The following AGL variants were observed in gnomAD, a reference collection of about 807,000 sequenced individuals.
AGL encodes amylo-alpha-1,6-glucosidase and 4-alpha-glucanotransferase.
In AGL, 128 loss-of-function variants were observed where a neutral mutation model predicts 199.3. The ratio of observed to expected loss-of-function variants is 0.64; its 90% CI spans 0.56 to 0.74. The LOEUF is 0.74. AGL is among the 30% of genes least tolerant of loss of function. The probability of loss-of-function intolerance (pLI) is 0.00; values close to 1 mark genes in which losing one functional copy is unlikely to be tolerated. For missense variants in AGL, 1,809 were observed against 1,820.8 expected (o/e 0.99, Z 0.12); for synonymous variants, 584 against 594.7 (o/e 0.98, Z 0.26).
intron 5 of AGL, among the ~76,000 whole-genome samples, chr1:99,867,266 A>G (rs990661444): frequency 1.3e-5 from 2 of 152,366 alleles, no homozygotes; most frequent in East Asian, 1.9e-4. Context: ...AAATTGTCCT[A>G]CGGATATTTA....
chr1:99,893,709 A>G (rs1028435979), intron 24 of AGL, among the ~76,000 whole-genome samples: 5 of 152,250 alleles, frequency 3.3e-5, no homozygotes, highest in African/African-American at 1.2e-4. Flanking sequence ...ACAAATAAAA[A>G]CTAAAAAATT....
Position 99,881,079 on chromosome 1 carries a change from A to G in AGL, c.1903A>G (p.Arg635Gly), listed in dbSNP as rs766797872. ...CTTTGTTGTTGTTGTCTTCTAGCATAGATCAGCGTATGATGCTCTTCCAAG... is the reference window on the plus strand; with the variant it reads ...CTTTGTTGTTGTTGTCTTCTAGCATGGATCAGCGTATGATGCTCTTCCAAG... ...THDNECPIVH[R>G]SAYDALPSTT... The change falls in exon 15 of 34, where the codon AGA becomes GGA. Residue 635 changes from arginine (R) to glycine (G), a missense_variant. Arg to Gly is a moderately radical substitution (Grantham distance 125, BLOSUM62 -2). Transcript: ENST00000361915. 5.6e-6 allele frequency: 9 copies of G among 1,613,292 alleles called. No homozygotes were observed.
intron 2 of AGL, among the ~76,000 whole-genome samples, chr1:99,854,453 G>C (rs2101061411): frequency 6.6e-6 from 1 of 152,276 alleles, no homozygotes; most frequent in Middle Eastern, 3.4e-3. Context: ...GTAATGGTGT[G>C]ATCATTTTGT....
At position 99,877,641 on chromosome 1, in the gene AGL, G is replaced by A. The variant is rs538916479; in HGVS notation, c.1424G>A (p.Gly475Asp). 1.2e-6 allele frequency: 2 copies of A among 1,613,782 alleles called. No individual in the cohort carries two copies. The part of the protein sequence containing the change: ...DDPLRNFAEP[G>D]SEVYLRRELI... ...TGAAAGCAATCTCTTTTCTGAACAG[G>A]TTCAGAAGTTTACCTAAGGAGAGAA... Residue 475 changes from glycine to aspartate, a missense_variant and splice_region_variant, in exon 12 of 34, where the codon GGT becomes GAT. By Grantham distance (94) the Gly-to-Asp change is moderately conservative. Transcript: ENST00000361915.
In AGL at chr1:99,900,804, C is replaced by A; in HGVS notation, c.3531C>A (p.Cys1177Ter). The change falls in exon 26 of 34, where the codon TGC becomes TGA. Residue 1177 changes from cysteine (C) to a stop codon, truncating the protein, a stop_gained. Coordinates refer to ENST00000361915, the MANE Select transcript of AGL (RefSeq NM_000642.3). LOFTEE classifies it high-confidence loss of function. ...MVPNGLDILK[C>*]PVSRMYPTDD... ...CAAATGGTCTAGACATTCTCAAGTG[C>A]CCAGTTTCCAGAATGTATCCTACAG... The A allele has an allele frequency of 6.2e-7, 1 of 1,613,878 alleles. No individual in the cohort carries two copies. The highest frequency in any genetic ancestry group is 2.2e-5 in the East Asian group (1 of 44,858).
At chr1:99,910,923 G>A in intron 28 of AGL, 76 bp downstream of exon 28, 1 of 1,470,772 alleles carries the variant, frequency 6.8e-7, no homozygotes, top group Non-Finnish European at 9.4e-7. Context: ...CTTTTATTCT[G>A]TTAACTATGA....
chr1:99,899,250 G>A (rs185830130), intron 25 of AGL, among the ~76,000 whole-genome samples: 1 of 152,216 alleles, frequency 6.6e-6, no homozygotes, highest in Non-Finnish European at 1.5e-5. Context: ...TTTCTGAGTG[G>A]TTTAGCCAAA....
intron 20 of AGL, among the ~76,000 whole-genome samples, chr1:99,887,622 A>G (rs1246117805): frequency 1.3e-5 from 2 of 152,202 alleles, no homozygotes; most frequent in Non-Finnish European, 2.9e-5. Flanking sequence ...CACATAAATA[A>G]ATGAAGGAAG....
At chr1:99,856,234 A>G (rs953015974) in intron 2 of AGL, among the ~76,000 whole-genome samples, 8 of 152,042 alleles carry the variant, frequency 5.3e-5, no homozygotes, top group Admixed American at 2.0e-4. Context: ...CAGAGTGGCT[A>G]TGTATCCCTT....
intron 25 of AGL, among the ~76,000 whole-genome samples, chr1:99,898,209 G>C (rs1258941962): frequency 6.6e-6 from 1 of 152,004 alleles, no homozygotes; most frequent in African/African-American, 2.4e-5. Flanking sequence ...ACCACACCCG[G>C]CTAATTTTTT....
In AGL at chr1:99,884,657, C is replaced by A. The variant is rs771908645; in HGVS notation, c.2635C>A (p.Leu879Ile). ...QFSPHFKSGS[L>I]AVDNADPILK... Reference sequence around the variant, plus strand: ...CAGTCCTCACTTTAAATCTGGCAGCCTAGCTGTTGACAATGCAGATCCTAT... The same window carrying A: ...CAGTCCTCACTTTAAATCTGGCAGCATAGCTGTTGACAATGCAGATCCTAT... The change falls in exon 20 of 34, where the codon CTA becomes ATA. Residue 879 changes from leucine to isoleucine, a missense_variant. Coordinates refer to ENST00000361915, the MANE Select transcript of AGL (RefSeq NM_000642.3). 6.2e-7 allele frequency: 1 copy of A among 1,613,988 alleles called. No homozygotes were observed. Among genetic ancestry groups the A allele is most frequent in the Non-Finnish European group, 8.5e-7 (1 of 1,179,924 alleles).
In AGL at chr1:99,912,518, G is replaced by C. The variant is rs1311320845; in HGVS notation, c.3949+1G>C. ...CATGAAGTCACAGTAAAAAGACATG[G>C]TAAGCTGGTTATTTTATTTACAAAG... is the stretch of plus-strand genomic sequence containing the variant. On this transcript the variant is annotated splice_donor_variant, in intron 29 of 33. Transcript: ENST00000361915. LOFTEE classifies it high-confidence loss of function. 1 of 1,593,826 alleles carries C rather than the reference G, an allele frequency of 6.3e-7. No individual in the cohort carries two copies. Among genetic ancestry groups the C allele is most frequent in the African/African-American group, 1.3e-5 (1 of 74,506 alleles).
At position 99,864,065 on chromosome 1, in the gene AGL, ATATAC is replaced by A. The variant is rs1178072854; in HGVS notation, c.461-319_461-315del. 2.6e-5 allele frequency among the ~76,000 whole-genome samples: 4 copies of A among 152,314 alleles called. No individual in the cohort carries two copies. The East Asian group carries it at 7.7e-4, about 29-fold the overall frequency. On this transcript the variant is annotated intron_variant, in intron 4 of 33. Transcript: ENST00000361915. ...TTAAAAGTAGTAGAAACACGTGTTG[ATATAC>A]TCGTAGAAGATAAATTTACTACATG...
chr1:99,879,615 C>CA (rs758176496), intron 12 of AGL, among the ~76,000 whole-genome samples: 13 of 151,712 alleles, frequency 8.6e-5, no homozygotes, highest in South Asian at 6.3e-4. Flanking sequence ...AATAAGCAAA[C>CA]AAAAAACAGG....
chr1:99,886,960 A>G (rs1045082393), intron 20 of AGL, among the ~76,000 whole-genome samples: 2 of 152,174 alleles, frequency 1.3e-5, no homozygotes, highest in African/African-American at 4.8e-5. Context: ...GCAGTTTTAT[A>G]AGATCCCCAG....
intron 2 of AGL, chr1:99,861,118 G>C (rs1246005299): frequency 3.0e-5 from 30 of 1,003,612 alleles, no homozygotes; most frequent in African/African-American, 5.2e-5. Flanking sequence ...CTCTGTTGCA[G>C]TTAGAAAAAT....
In AGL at chr1:99,891,809, T is replaced by G; in HGVS notation, c.3083+70T>G. 3 of 1,587,124 alleles carry G rather than the reference T, an allele frequency of 1.9e-6. No homozygotes were observed. In the South Asian group the frequency reaches 3.3e-5, roughly 18 times the overall value. ...ACTATATACAGAGTCACTTCATACA[T>G]GTTCTTAAAAAACCAAACCATAAAG... is the stretch of plus-strand genomic sequence containing the variant. On this transcript the variant is annotated intron_variant, in intron 23 of 33. Transcript: ENST00000361915.
In AGL at chr1:99,875,089, A is replaced by T; in HGVS notation, c.1083-65A>T. Reference sequence around the variant, plus strand: ...AAGGTTTCTGTGACCTTTGTTAGAAAGTTTTTAAATGTAGAATCTGTAAAG... The same window carrying T: ...AAGGTTTCTGTGACCTTTGTTAGAATGTTTTTAAATGTAGAATCTGTAAAG... On this transcript the variant is annotated intron_variant, in intron 8 of 33. Coordinates refer to ENST00000361915, the MANE Select transcript of AGL (RefSeq NM_000642.3). 6 of 1,410,988 alleles carry T rather than the reference A, an allele frequency of 4.3e-6. No individual in the cohort carries two copies. The South Asian group carries it at 7.3e-5, about 17-fold the overall frequency. The allele number at this position is 1,410,988 out of a possible 1,614,324, so 87.4% of individuals were successfully genotyped here.
chr1:99,882,840 G>A (rs1455152619), intron 17 of AGL, among the ~76,000 whole-genome samples: 1 of 152,038 alleles, frequency 6.6e-6, no homozygotes, highest in East Asian at 1.9e-4. Context: ...TTCTATATTG[G>A]TTGCTAGTTG....
Sources: allele counts gnomAD v4.1 joint callset (sites outside exome capture counted in the v4.1 genomes callset), GRCh38; gene constraint gnomAD v4.1.1; transcripts MANE v1.5; gene names NCBI Gene and HGNC (gene_info 2026-07-23, HGNC 2026-07-21).